The following PRMT8 variants were observed in gnomAD, a reference collection of about 807,000 sequenced individuals.
PRMT8 encodes the protein protein arginine N-methyltransferase 8.
Under a neutral mutation model 47.1 loss-of-function variants are expected in PRMT8, and 7 were observed. That is an observed-to-expected ratio of 0.15 (90% CI 0.08 to 0.28). The LOEUF (loss-of-function observed/expected upper bound fraction) is 0.28. Among genes scored for constraint, PRMT8 ranks in the 10% least tolerant of loss-of-function variants. The probability of loss-of-function intolerance (pLI) is 1.00; values close to 1 mark genes in which losing one functional copy is unlikely to be tolerated. For synonymous variants in PRMT8, 188 were observed against 186.5 expected, an observed-to-expected ratio of 1.01 and a Z score of -0.07; for missense variants, 237 against 505.4, an observed-to-expected ratio of 0.47 and a Z score of 5.09.
chr12:3,592,928 G>T (rs1267325946), intron 9 of PRMT8, among the ~76,000 whole-genome samples, 171 bp from the exon 10 acceptor site: 1 of 152,344 alleles, frequency 6.6e-6, no homozygotes, highest in East Asian at 1.9e-4. Context: ...GGACAAGGAG[G>T]CAGCAGAATG....
Position 3,569,544 on chromosome 12 carries a change from A to G in PRMT8, c.692A>G (p.Tyr231Cys). The G allele has an allele frequency of 1.2e-6, 2 of 1,614,188 alleles. No individual in the cohort carries two copies. The highest frequency in any genetic ancestry group is 1.1e-5 in the South Asian group (1 of 91,070). The change falls in exon 6 of 10, where the codon TAC becomes TGC. Residue 231 changes from tyrosine to cysteine, a missense_variant. Tyr to Cys is a radical substitution (Grantham distance 194). Coordinates refer to ENST00000382622, the MANE Select transcript of PRMT8 (RefSeq NM_019854.5). The surrounding 1 kb of genome is among the most constrained non-coding windows in gnomAD (Gnocchi z 8.2). ...LYVVAIEDRQ[Y>C]KDFKIHWWEN... ...GTGGTAGCGATTGAAGACAGACAGT[A>G]CAAGGACTTCAAAATCCACTGTAAG... is the stretch of plus-strand genomic sequence containing the variant.
At chr12:3,487,752 G>C (rs760988444), upstream of PRMT8, among the ~76,000 whole-genome samples, 1 of 152,198 alleles carries the variant, frequency 6.6e-6, no homozygotes, top group Non-Finnish European at 1.5e-5. Flanking sequence ...CTGTGAGTTA[G>C]AGATAGACCT....
At chr12:3,391,400 G>A (rs1236604641) in intron 1 of PRMT8, among the ~76,000 whole-genome samples, 2 of 152,182 alleles carry the variant, frequency 1.3e-5, no homozygotes, top group Non-Finnish European at 2.9e-5. Context: ...GGAAGTCAGG[G>A]GGCAGCCATA....
intron 1 of PRMT8, among the ~76,000 whole-genome samples, chr12:3,531,748 G>A (rs935328735): frequency 1.3e-5 from 2 of 152,214 alleles, no homozygotes; most frequent in African/African-American, 2.4e-5. Flanking sequence ...CCAAGGTCAC[G>A]AAGCCTGAAG....
intron 4 of PRMT8, among the ~76,000 whole-genome samples, chr12:3,554,048 C>T (rs1591599517): frequency 6.6e-6 from 1 of 152,200 alleles, no homozygotes; most frequent in Non-Finnish European, 1.5e-5. Flanking sequence ...TCCTCTTCCT[C>T]CTCTTCCCTC....
chr12:3,527,845 T>C (rs1565431653), intron 1 of PRMT8, among the ~76,000 whole-genome samples: 1 of 152,290 alleles, frequency 6.6e-6, no homozygotes, highest in East Asian at 1.9e-4. Flanking sequence ...ATAAAATCTT[T>C]CAGTTTTTGT....
intron 1 of PRMT8, among the ~76,000 whole-genome samples, chr12:3,515,112 G>A (rs1865769785): frequency 6.6e-6 from 1 of 152,234 alleles, no homozygotes; most frequent in Non-Finnish European, 1.5e-5. Flanking sequence ...AATGGGTTCA[G>A]TAAATTTCCC....
At chr12:3,480,210 G>T (rs1195471228) in intron 1 of PRMT8, among the ~76,000 whole-genome samples, 1 of 152,196 alleles carries the variant, frequency 6.6e-6, no homozygotes, top group Admixed American at 6.5e-5. Flanking sequence ...ATGGGGAAAA[G>T]GCGGTATTTA....
chr12:3,568,546 A>G (rs1866776089), intron 4 of PRMT8, among the ~76,000 whole-genome samples, 160 bp from the exon 5 acceptor site: 1 of 152,208 alleles, frequency 6.6e-6, no homozygotes, highest in Non-Finnish European at 1.5e-5. Context: ...GTTTTCAATT[A>G]TGTTGGTATA....
At chr12:3,397,377 T>C (rs375937365) in intron 1 of PRMT8, among the ~76,000 whole-genome samples, 1 of 151,168 alleles carries the variant, frequency 6.6e-6, no homozygotes. Context: ...GGTGATGTAC[T>C]GATGGGTTTT....
chr12:3,410,286 T>C (rs1864413766), intron 1 of PRMT8, among the ~76,000 whole-genome samples: 1 of 152,216 alleles, frequency 6.6e-6, no homozygotes, highest in Non-Finnish European at 1.5e-5. Context: ...GTTCTGATGG[T>C]TTCTCAGTCC....
At chr12:3,383,703 TTGTTGTTTTAAACTTC>T (rs1170654679) in intron 1 of PRMT8, among the ~76,000 whole-genome samples, 1 of 152,246 alleles carries the variant, frequency 6.6e-6, no homozygotes, top group East Asian at 1.9e-4. Flanking sequence ...AAATAAACTT[TTGTTGTTTTAAACTTC>T]TGTTGTTTTA....
At chr12:3,567,250 T>C (rs996257354) in intron 4 of PRMT8, among the ~76,000 whole-genome samples, 1 of 152,250 alleles carries the variant, frequency 6.6e-6, no homozygotes, top group African/African-American at 2.4e-5. Context: ...TAAATTGATA[T>C]TGCTTTTCAT....
chr12:3,474,792 C>T (rs774441401), intron 1 of PRMT8, among the ~76,000 whole-genome samples: 38 of 152,296 alleles, frequency 2.5e-4, no homozygotes, highest in Middle Eastern at 3.4e-3. Flanking sequence ...TCCCCTTGCA[C>T]GGAATCTCCT....
chr12:3,434,968 CTT>C (rs398044252), intron 1 of PRMT8, among the ~76,000 whole-genome samples: 12 of 130,716 alleles, frequency 9.2e-5, no homozygotes, highest in Admixed American at 3.9e-4. Context: ...TTGCTTTGCT[CTT>C]TTTTTTTTTT....
At chr12:3,556,999 A>T (rs1866539978) in intron 4 of PRMT8, among the ~76,000 whole-genome samples, 1 of 152,204 alleles carries the variant, frequency 6.6e-6, no homozygotes, top group African/African-American at 2.4e-5. Context: ...TGGAGGTGCC[A>T]GTGGTGGGAA....
intron 1 of PRMT8, among the ~76,000 whole-genome samples, chr12:3,485,408 A>C (rs771737992): frequency 3.9e-5 from 6 of 152,342 alleles, no homozygotes; most frequent in Admixed American, 6.5e-5. Context: ...TAGAAATTAC[A>C]ATTTCATGAG....
chr12:3,588,407 G>T (rs1867229228), intron 8 of PRMT8, among the ~76,000 whole-genome samples: 1 of 152,198 alleles, frequency 6.6e-6, no homozygotes, highest in Non-Finnish European at 1.5e-5. Flanking sequence ...CTTTCCAAAA[G>T]CACCAGGAAA....
At chr12:3,403,440 C>T (rs1225396281) in intron 1 of PRMT8, among the ~76,000 whole-genome samples, 1 of 149,940 alleles carries the variant, frequency 6.7e-6, no homozygotes, top group Non-Finnish European at 1.5e-5. Context: ...AACAAACCTG[C>T]ACATCCTGCA....
Sources: allele counts gnomAD v4.1 joint callset (sites outside exome capture counted in the v4.1 genomes callset), GRCh38; gene constraint gnomAD v4.1.1; non-coding constraint Gnocchi (gnomAD v3.1); transcripts MANE v1.5; gene names NCBI Gene and HGNC (gene_info 2026-07-23, HGNC 2026-07-21).